ADGRL3: variants seen among roughly 807,000 people sequenced by gnomAD.
The protein encoded by ADGRL3 is adhesion G protein-coupled receptor L3.
A neutral mutation model predicts 153.5 loss-of-function variants in ADGRL3; 62 were observed. That is an observed-to-expected ratio of 0.40 (90% CI 0.33 to 0.50). ADGRL3 has a LOEUF of 0.50. Among genes scored for constraint, ADGRL3 ranks in the 20% least tolerant of loss-of-function variants. ADGRL3 has a pLI of 0.47. For synonymous variants in ADGRL3, 710 were observed against 672.5 expected (o/e 1.06, Z -0.86); for missense variants, 1,641 against 1,859.4 (o/e 0.88, Z 2.16).
At chr4:61,861,298 G>T (rs533584237) in intron 9 of ADGRL3, among the ~76,000 whole-genome samples, 6 of 152,282 alleles carry the variant, frequency 3.9e-5, no homozygotes, top group African/African-American at 1.4e-4. Flanking sequence ...ACAGGGTGTT[G>T]TGAAGATTAA....
At chr4:61,682,225 G>A (rs951042068) in intron 6 of ADGRL3, among the ~76,000 whole-genome samples, 2 of 152,002 alleles carry the variant, frequency 1.3e-5, no homozygotes, top group Middle Eastern at 3.4e-3. Context: ...AATATAGCAA[G>A]TATTGTCCCT....
chr4:61,226,595 C>T (rs1748065456), intron 1 of ADGRL3, among the ~76,000 whole-genome samples: 1 of 152,070 alleles, frequency 6.6e-6, no homozygotes, highest in African/African-American at 2.4e-5. Flanking sequence ...ATACAAAGGT[C>T]AGCAATCTCT....
intron 1 of ADGRL3, among the ~76,000 whole-genome samples, chr4:61,298,689 A>C (rs1037920724): frequency 6.6e-6 from 1 of 152,202 alleles, no homozygotes; most frequent in Non-Finnish European, 1.5e-5. Flanking sequence ...TAAAATCCTT[A>C]AACAGTAGAG....
At chr4:61,368,587 T>G (rs2096456278) in intron 1 of ADGRL3, among the ~76,000 whole-genome samples, 1 of 151,726 alleles carries the variant, frequency 6.6e-6, no homozygotes, top group African/African-American at 2.4e-5. Context: ...CATTGATCTA[T>G]ATCTCTGTTT....
chr4:61,909,522 G>C, intron 11 of ADGRL3, 38 bp from the exon 12 acceptor site: 1 of 1,396,950 alleles, frequency 7.2e-7, no homozygotes, highest in Non-Finnish European at 1.0e-6. Context: ...GTATTTATGT[G>C]AGATCTCTTT....
intron 2 of ADGRL3, among the ~76,000 whole-genome samples, chr4:61,425,067 C>T (rs1476716301): frequency 5.3e-5 from 8 of 152,074 alleles, no homozygotes; most frequent in South Asian, 2.1e-4. Flanking sequence ...TGGAGCTTGA[C>T]GTTGATGAGG....
chr4:61,900,238 A>G (rs1284070511), intron 11 of ADGRL3, among the ~76,000 whole-genome samples: 1 of 152,198 alleles, frequency 6.6e-6, no homozygotes, highest in Non-Finnish European at 1.5e-5. Flanking sequence ...AAATGCACCA[A>G]GTTGCTGACT....
intron 4 of ADGRL3, among the ~76,000 whole-genome samples, chr4:61,519,152 T>A (rs530234316): frequency 7.2e-5 from 11 of 151,742 alleles, no homozygotes; most frequent in Admixed American, 2.6e-4. Flanking sequence ...TGCTGGAAAC[T>A]CTCTCTTCTG....
intron 5 of ADGRL3, among the ~76,000 whole-genome samples, chr4:61,667,736 G>T (rs1017764825): frequency 6.6e-6 from 1 of 152,146 alleles, no homozygotes; most frequent in Non-Finnish European, 1.5e-5. Flanking sequence ...GAATTTCATT[G>T]TGATAAAAGC....
intron 6 of ADGRL3, among the ~76,000 whole-genome samples, chr4:61,710,129 C>T (rs1011069081): frequency 1.1e-4 from 16 of 152,246 alleles, no homozygotes; most frequent in South Asian, 4.1e-4. Context: ...AGTTAAACCA[C>T]GGCTTTAAAC....
chr4:61,560,364 C>T (rs969080163), intron 4 of ADGRL3, among the ~76,000 whole-genome samples: 2 of 152,074 alleles, frequency 1.3e-5, no homozygotes, highest in Non-Finnish European at 2.9e-5. Context: ...ACAGCATTTC[C>T]TTTCCACTTC....
intron 1 of ADGRL3, among the ~76,000 whole-genome samples, chr4:61,322,406 A>C (rs2095377123): frequency 6.6e-6 from 1 of 152,210 alleles, no homozygotes; most frequent in Admixed American, 6.5e-5. Flanking sequence ...AGTCACCTAA[A>C]GTCTCAACTA....
intron 9 of ADGRL3, among the ~76,000 whole-genome samples, chr4:61,818,646 A>G (rs2148686048): frequency 6.6e-6 from 1 of 152,312 alleles, no homozygotes; most frequent in Middle Eastern, 3.4e-3. Context: ...ACAGATCCCA[A>G]CCATATCAAC....
intron 9 of ADGRL3, among the ~76,000 whole-genome samples, chr4:61,883,016 T>C (rs2098517507): frequency 6.6e-6 from 1 of 152,140 alleles, no homozygotes; most frequent in Non-Finnish European, 1.5e-5. Context: ...CTGGAGAGGC[T>C]GAGTCAGGAG....
intron 5 of ADGRL3, among the ~76,000 whole-genome samples, chr4:61,653,222 A>G (rs1056488264): frequency 1.2e-4 from 18 of 151,972 alleles, no homozygotes; most frequent in African/African-American, 4.3e-4. Flanking sequence ...CCATATGAGA[A>G]CATAGAAAGA....
rs1195757878 is a variant in ADGRL3 at position 61,698,856 on chromosome 4, G to C, written c.583+21921G>C. 2.0e-5 allele frequency among the ~76,000 whole-genome samples: 3 copies of C among 152,212 alleles called. No individual in the cohort carries two copies. In the East Asian group the frequency reaches 5.8e-4, roughly 29 times the overall value. On this transcript the variant is annotated intron_variant, in intron 6 of 26. Coordinates refer to ENST00000683033, the MANE Select transcript of ADGRL3 (RefSeq NM_001387552.1). The stretch of plus-strand genomic sequence containing the variant: ...ATAGAAGACTATTCTTAACGCTATG[G>C]GTGGTATTATTTAATCCAGTTAAAA...
At chr4:61,850,820 TATC>T (rs964379050) in intron 9 of ADGRL3, among the ~76,000 whole-genome samples, 7 of 152,184 alleles carry the variant, frequency 4.6e-5, no homozygotes, top group Non-Finnish European at 1.0e-4. Context: ...ATTTATATAG[TATC>T]ATCTGTGGAT....
At chr4:61,746,873 G>A (rs2096669551) in intron 8 of ADGRL3, among the ~76,000 whole-genome samples, 1 of 152,012 alleles carries the variant, frequency 6.6e-6, no homozygotes, top group Admixed American at 6.6e-5. Context: ...AGAACTGAAG[G>A]AAATAGAGAC....
intron 1 of ADGRL3, among the ~76,000 whole-genome samples, chr4:61,345,190 T>C (rs942752606): frequency 6.6e-6 from 1 of 152,094 alleles, no homozygotes; most frequent in African/African-American, 2.4e-5. Context: ...TTATTAGTTA[T>C]GGATTTAAAA....
Sources: allele counts gnomAD v4.1 joint callset (sites outside exome capture counted in the v4.1 genomes callset), GRCh38; gene constraint gnomAD v4.1.1; transcripts MANE v1.5; gene names NCBI Gene and HGNC (gene_info 2026-07-23, HGNC 2026-07-21).